The following S100A8 variants were observed in gnomAD, a reference collection of about 807,000 sequenced individuals.
S100A8 encodes protein S100-A8.
Under a neutral mutation model 4.2 loss-of-function variants are expected in S100A8, and 1 was observed. That is an observed-to-expected ratio of 0.24 (90% CI 0.08 to 1.12). The LOEUF (loss-of-function observed/expected upper bound fraction) is 1.12, where lower values mean the gene tolerates loss of function less well. Among genes scored for constraint, S100A8 ranks in the 50% most tolerant of loss-of-function variants. S100A8 has a pLI of 0.53. For synonymous variants in S100A8, 41 were observed against 44.7 expected, an observed-to-expected ratio of 0.92 and a Z score of 0.33; for missense variants, 96 against 111.8, an observed-to-expected ratio of 0.86 and a Z score of 0.64.
chr1:153,397,192 C>A, the S100A8 span, among the ~76,000 whole-genome samples: 2 of 152,240 alleles, frequency 1.3e-5, no homozygotes, highest in South Asian at 4.1e-4. Context: ...TGCCTTCCTC[C>A]TCCACACTGG....
At chr1:153,410,249 G>A in the S100A8 span, among the ~76,000 whole-genome samples, 4 of 151,950 alleles carry the variant, frequency 2.6e-5, no homozygotes, top group Non-Finnish European at 4.4e-5. Flanking sequence ...TAATAAAGAA[G>A]AAAAGAGAGA....
the S100A8 span, among the ~76,000 whole-genome samples, chr1:153,397,762 T>C: frequency 6.6e-6 from 1 of 152,168 alleles, no homozygotes; most frequent in Non-Finnish European, 1.5e-5. Context: ...ATCTTAACTG[T>C]TCCACAAAGC....
chr1:153,416,581 CT>C, the S100A8 span: 1 of 477,112 alleles, frequency 2.1e-6, no homozygotes, highest in South Asian at 1.7e-5. Context: ...TCACCTGCCT[CT>C]TTGCATTTTC....
the S100A8 span, chr1:153,419,223 G>C: frequency 6.2e-7 from 1 of 1,614,196 alleles, no homozygotes; most frequent in Non-Finnish European, 8.5e-7. Context: ...TGATTTTTCT[G>C]AGTTTCTGTC....
upstream of S100A8, among the ~76,000 whole-genome samples, chr1:153,391,733 C>A (rs941164880): frequency 1.3e-5 from 2 of 152,168 alleles, no homozygotes; most frequent in African/African-American, 4.8e-5. Context: ...GGGGATGGAC[C>A]ATGCCCTGGG....
chr1:153,390,740 A>G (rs1195245820), intron 1 of S100A8, 183 bp from the exon 2 acceptor site: 1 of 727,572 alleles, frequency 1.4e-6, no homozygotes, highest in Non-Finnish European at 2.2e-6. Context: ...CACGTGTGGG[A>G]AGGGGAAGGG....
chr1:153,398,782 A>C, the S100A8 span, among the ~76,000 whole-genome samples: 1 of 152,322 alleles, frequency 6.6e-6, no homozygotes, highest in East Asian at 1.9e-4. Context: ...GAAAGCAAGC[A>C]TATTTACCCC....
chr1:153,398,182 A>T, the S100A8 span, among the ~76,000 whole-genome samples: 1 of 152,076 alleles, frequency 6.6e-6, no homozygotes, highest in South Asian at 2.1e-4. Flanking sequence ...GCATGGATAG[A>T]CAGCAGCACC....
At chr1:153,422,146 T>C in the S100A8 span, 1 of 152,278 alleles carries the variant, frequency 6.6e-6, no homozygotes, top group African/African-American at 2.4e-5. Flanking sequence ...AACTGTGTCA[T>C]TCCAAACTCA....
the S100A8 span, among the ~76,000 whole-genome samples, chr1:153,402,542 G>C: frequency 3.3e-5 from 5 of 152,316 alleles, no homozygotes; most frequent in African/African-American, 9.6e-5. Context: ...AGAAAGACAG[G>C]AGATGAGGTC....
At chr1:153,398,487 G>C in the S100A8 span, among the ~76,000 whole-genome samples, 48 of 152,244 alleles carry the variant, frequency 3.2e-4, no homozygotes, top group African/African-American at 1.2e-3. Flanking sequence ...TCTCCAGAGG[G>C]AGTCCCCATG....
the S100A8 span, among the ~76,000 whole-genome samples, chr1:153,416,014 G>A: frequency 6.6e-6 from 1 of 152,200 alleles, no homozygotes; most frequent in Non-Finnish European, 1.5e-5. Context: ...CTAAAATAGA[G>A]ATTGCAGCAC....
chr1:153,418,058 T>C, the S100A8 span: 423 of 1,612,984 alleles, frequency 2.6e-4, no homozygotes, highest in African/African-American at 4.5e-3. Context: ...TGTCTTTATT[T>C]CCTGAAGGCT....
the S100A8 span, chr1:153,417,278 A>T: frequency 6.6e-6 from 1 of 152,196 alleles, no homozygotes; most frequent in African/African-American, 2.4e-5. Context: ...TGCTTTGGAA[A>T]GTCAGACATT....
At chr1:153,391,735 T>A (rs1014844899), upstream of S100A8, among the ~76,000 whole-genome samples, 3 of 152,202 alleles carry the variant, frequency 2.0e-5, no homozygotes, top group Non-Finnish European at 4.4e-5. Flanking sequence ...GGATGGACCA[T>A]GCCCTGGGAG....
chr1:153,398,428 C>G, the S100A8 span, among the ~76,000 whole-genome samples: 1 of 152,176 alleles, frequency 6.6e-6, no homozygotes, highest in Non-Finnish European at 1.5e-5. Flanking sequence ...ATCCTTCCCC[C>G]GGGCATGGAT....
At chr1:153,411,953 C>T in the S100A8 span, among the ~76,000 whole-genome samples, 33 of 152,306 alleles carry the variant, frequency 2.2e-4, no homozygotes, top group Middle Eastern at 3.4e-3. Context: ...AAACTGGATC[C>T]CTTCCTTACA....
At chr1:153,419,170 C>A in the S100A8 span, 7 of 1,614,166 alleles carry the variant, frequency 4.3e-6, no homozygotes, top group Non-Finnish European at 5.9e-6. Flanking sequence ...CATTACCTCG[C>A]CACTGTCTTT....
chr1:153,417,988 C>G, the S100A8 span: 55 of 1,558,412 alleles, frequency 3.5e-5, no homozygotes, highest in Non-Finnish European at 4.7e-5. Flanking sequence ...ACTCTGTCCT[C>G]AGCCCTCCTT....
Sources: gnomAD v4.1 joint callset for allele counts (sites outside exome capture counted in the v4.1 genomes callset) on GRCh38, gnomAD v4.1.1 for gene constraint, MANE v1.5 for transcripts, NCBI Gene and HGNC (gene_info 2026-07-23, HGNC 2026-07-21) for gene names.